Variants in LIMA1 observed in about 807,000 individuals in gnomAD.
LIMA1 encodes the protein LIM domain and actin-binding protein 1.
LIMA1 carries 52 observed loss-of-function variants against 62.6 expected under a neutral mutation model. The ratio of observed to expected loss-of-function variants is 0.83; its 90% CI spans 0.67 to 1.05. The LOEUF is 1.05. Among genes scored for constraint, LIMA1 ranks in the 50% least tolerant of loss-of-function variants. LIMA1 has a pLI of 0.00. For missense variants in LIMA1, 780 were observed against 902.2 expected (o/e 0.86, Z 1.74); for synonymous variants, 302 against 317.8 (o/e 0.95, Z 0.53).
intron 9 of LIMA1, among the ~76,000 whole-genome samples, chr12:50,182,612 C>T (rs1013751276): frequency 6.6e-6 from 1 of 152,172 alleles, no homozygotes; most frequent in Non-Finnish European, 1.5e-5. Context: ...ACAAGTGGAA[C>T]AATTTATAAG....
At chr12:50,271,582 C>A (rs1460217010) in intron 1 of LIMA1, among the ~76,000 whole-genome samples, 5 of 152,000 alleles carry the variant, frequency 3.3e-5, no homozygotes, top group African/African-American at 1.2e-4. Context: ...AAAAACAGAT[C>A]ATTAAGTCAC....
intron 3 of LIMA1, chr12:50,229,820 C>T (rs1941582855): frequency 1.3e-5 from 2 of 152,240 alleles, no homozygotes; most frequent in African/African-American, 4.8e-5. Context: ...TGACCTTTCT[C>T]TTCTATTCCT....
chr12:50,177,526 T>G lies in LIMA1; in HGVS notation c.1818A>C (p.Lys606Asn). The change falls in exon 11 of 11, where the codon AAA (lysine) becomes AAC (asparagine). Residue 606 changes from lysine (K) to asparagine (N), a missense_variant. By Grantham distance (94) the Lys-to-Asn change is moderately conservative. Transcript: ENST00000341247. ...SFQSTSVKSP[K>N]TVSPPIRKGW... ...CTTTCCTGATAGGTGGGGACACAGT[T>G]TTTGGGCTCTTGACAGAGGTGCTTT... is the stretch of plus-strand genomic sequence containing the variant. The G allele has an allele frequency of 6.2e-7, 1 of 1,611,698 alleles. No individual in the cohort carries two copies. The highest frequency in any genetic ancestry group is 8.5e-7 in the Non-Finnish European group (1 of 1,178,972).
At chr12:50,199,623 T>G (rs1941002239) in intron 7 of LIMA1, among the ~76,000 whole-genome samples, 1 of 152,200 alleles carries the variant, frequency 6.6e-6, no homozygotes, top group African/African-American at 2.4e-5. Context: ...CTACTCTGTT[T>G]TCTTGCACAT....
intron 9 of LIMA1, chr12:50,188,417 A>C (rs778906887): frequency 5.9e-5 from 9 of 152,114 alleles, no homozygotes; most frequent in Non-Finnish European, 1.3e-4. Flanking sequence ...AGAGCAAATA[A>C]ATTGCCCTTA....
chr12:50,263,572 TG>T (rs1942096852), intron 1 of LIMA1, among the ~76,000 whole-genome samples: 1 of 152,142 alleles, frequency 6.6e-6, no homozygotes, highest in Non-Finnish European at 1.5e-5. Context: ...GTTATTTGTA[TG>T]TGTATAAACT....
chr12:50,248,948 T>C (rs1043603788), intron 1 of LIMA1, among the ~76,000 whole-genome samples, 174 bp from the exon 2 acceptor site: 9 of 152,222 alleles, frequency 5.9e-5, no homozygotes, highest in Admixed American at 3.3e-4. Flanking sequence ...TGGTTTCTTA[T>C]AAAAGGAGGC....
intron 8 of LIMA1, 163 bp downstream of exon 8, chr12:50,195,666 TA>T: frequency 1.9e-6 from 1 of 522,160 alleles, no homozygotes; most frequent in Non-Finnish European, 3.1e-6. Context: ...AACTTCTCCT[TA>T]AGCCATGAAG....
At chr12:50,203,473 G>A (rs1223064304) in intron 6 of LIMA1, among the ~76,000 whole-genome samples, 1 of 151,568 alleles carries the variant, frequency 6.6e-6, no homozygotes, top group African/African-American at 2.4e-5. Flanking sequence ...GAGTGTAGTG[G>A]CGCAATCTTG....
chr12:50,204,421 T>C (rs926240132), intron 6 of LIMA1, 131 bp downstream of exon 6: 2 of 1,044,986 alleles, frequency 1.9e-6, no homozygotes, highest in African/African-American at 1.6e-5. Flanking sequence ...GTAGGGTTCA[T>C]GTGAAAAGAG....
Position 50,262,622 on chromosome 12 carries a change from G to GTAAAATAAAA in LIMA1, c.-23-13858_-23-13849dup, listed in dbSNP as rs10539278. ...GACCTGTTCTCTGCCAAAAAATAAAGTAAAATAAAATAAAATAAAATAAAA... is the reference window on the plus strand; with the variant it reads ...GACCTGTTCTCTGCCAAAAAATAAAGTAAAATAAAATAAAATAAAATAAAATAAAATAAAA... On this transcript the variant is annotated intron_variant, in intron 1 of 10. Transcript: ENST00000341247. Among the ~76,000 whole-genome samples the GTAAAATAAAA allele has an allele frequency of 5.1e-3, 727 of 143,430 alleles. 8 individuals are homozygous for GTAAAATAAAA. Among genetic ancestry groups the GTAAAATAAAA allele is most frequent in the African/African-American group, 0.015 (586 of 38,074 alleles). The allele number at this position is 143,430 out of a possible 152,430, so 94.1% of individuals were successfully genotyped here.
intron 2 of LIMA1, among the ~76,000 whole-genome samples, chr12:50,232,043 CTTTTTTT>C (rs750844822): frequency 3.6e-5 from 3 of 83,452 alleles, no homozygotes; most frequent in Admixed American, 2.8e-4. Context: ...GAGTGCCCAG[CTTTTTTT>C]TTTTTTTTTT....
chr12:50,208,252 G>C (rs1279357493), intron 4 of LIMA1, among the ~76,000 whole-genome samples: 3 of 152,172 alleles, frequency 2.0e-5, no homozygotes, highest in Non-Finnish European at 4.4e-5. Flanking sequence ...TTGGGAGGCC[G>C]AGGCAGAAGG....
At chr12:50,185,414 A>G in intron 9 of LIMA1, 1 of 456,222 alleles carries the variant, frequency 2.2e-6, no homozygotes, top group Non-Finnish European at 4.4e-6. Context: ...GGAAGGCAGG[A>G]GCAGAAATTA....
rs544930688 is a variant in LIMA1, at chr12:50,239,281, C to T, written c.120-7571G>A. On this transcript the variant is annotated intron_variant, in intron 2 of 10. Coordinates refer to ENST00000341247, the MANE Select transcript of LIMA1 (RefSeq NM_016357.5). Reference sequence around the variant, plus strand: ...CACAATTGAGAAAGGAAGAGGAAATCAAGGAAAGCCTCACTTATATTAATT... The same window carrying T: ...CACAATTGAGAAAGGAAGAGGAAATTAAGGAAAGCCTCACTTATATTAATT... Among the ~76,000 whole-genome samples, 5 of 152,176 alleles carry T rather than the reference C, an allele frequency of 3.3e-5. No individual in the cohort carries two copies. The South Asian group carries it at 8.3e-4, about 25-fold the overall frequency.
intron 9 of LIMA1, among the ~76,000 whole-genome samples, chr12:50,190,815 A>G (rs1388422318): frequency 2.0e-5 from 3 of 151,154 alleles, no homozygotes; most frequent in South Asian, 4.2e-4. Flanking sequence ...AAAAAAAAAA[A>G]AAAGTGGGAA....
intron 1 of LIMA1, among the ~76,000 whole-genome samples, chr12:50,277,222 T>A (rs1486001741): frequency 6.6e-6 from 1 of 152,268 alleles, no homozygotes. Context: ...CTTCTTTTTT[T>A]TTCTTTTCTT....
chr12:50,263,835 T>A (rs78081548), intron 1 of LIMA1, among the ~76,000 whole-genome samples: 35,838 of 109,920 alleles, frequency 0.33, 4,916 homozygotes, highest in South Asian at 0.48. Context: ...ATAGAGAGAG[T>A]ATATATATAT....
chr12:50,228,341 G>A (rs1941563113), intron 3 of LIMA1, among the ~76,000 whole-genome samples: 1 of 152,118 alleles, frequency 6.6e-6, no homozygotes, highest in South Asian at 2.1e-4. Context: ...CTTGAACCTA[G>A]TCCAATTCAG....
Sources: allele counts gnomAD v4.1 joint callset (sites outside exome capture counted in the v4.1 genomes callset), GRCh38; gene constraint gnomAD v4.1.1; transcripts MANE v1.5; gene names NCBI Gene and HGNC (gene_info 2026-07-23, HGNC 2026-07-21).